Variants in L3MBTL4 observed in about 807,000 individuals in gnomAD.
L3MBTL4 encodes the protein lethal(3)malignant brain tumor-like protein 4.
A neutral mutation model predicts 84.5 loss-of-function variants in L3MBTL4; 70 were observed. The observed-to-expected ratio is 0.83, with a 90% CI of 0.68 to 1.01. The LOEUF (loss-of-function observed/expected upper bound fraction) is 1.01. Ranked by LOEUF, L3MBTL4 falls within the 50% of genes least tolerant of loss-of-function variation. The pLI, the probability that L3MBTL4 is intolerant of heterozygous loss-of-function variation, is 0.00. For synonymous variants in L3MBTL4, 274 were observed against 259.8 expected, an observed-to-expected ratio of 1.05 and a Z score of -0.52; for missense variants, 715 against 754.8, an observed-to-expected ratio of 0.95 and a Z score of 0.62.
chr18:6,325,086 A>G (rs150126185), intron 1 of L3MBTL4, among the ~76,000 whole-genome samples: 1 of 152,318 alleles, frequency 6.6e-6, no homozygotes, highest in East Asian at 1.9e-4. Flanking sequence ...CCCATAAAAA[A>G]GCAACTCAGC....
chr18:6,290,466 T>G (rs539074138), intron 4 of L3MBTL4, among the ~76,000 whole-genome samples: 1 of 152,150 alleles, frequency 6.6e-6, no homozygotes, highest in Non-Finnish European at 1.5e-5. Context: ...GCTTTTTGAT[T>G]ATCACTATGG....
chr18:6,286,168 C>CTTTA (rs543145864), intron 4 of L3MBTL4, among the ~76,000 whole-genome samples: 57 of 151,652 alleles, frequency 3.8e-4, no homozygotes, highest in Admixed American at 6.5e-4. Context: ...ATTTCCCCTT[C>CTTTA]TTATAAAACC....
chr18:6,118,572 A>C lies in L3MBTL4; in HGVS notation c.1199+19622T>G, dbSNP rs114656737. The stretch of plus-strand genomic sequence containing the variant: ...AGTGAAAGAAAAAAAACTCAGAGAA[A>C]AGAAAGGAACATAAACCATTTCCAG... On this transcript the variant is annotated intron_variant, in intron 14 of 18. Transcript: ENST00000317931. Among the ~76,000 whole-genome samples, 846 of 152,302 alleles carry C rather than the reference A, an allele frequency of 5.6e-3. 8 individuals are homozygous for C. The highest frequency in any genetic ancestry group is 0.02 in the African/African-American group (816 of 41,566).
intron 10 of L3MBTL4, among the ~76,000 whole-genome samples, chr18:6,224,434 G>A (rs540646610): frequency 2.6e-5 from 4 of 152,292 alleles, no homozygotes; most frequent in African/African-American, 9.6e-5. Flanking sequence ...TAGACCCCAC[G>A]AAGTCATCTA....
intron 4 of L3MBTL4, among the ~76,000 whole-genome samples, chr18:6,292,115 C>T (rs1030176039): frequency 6.6e-6 from 1 of 152,088 alleles, no homozygotes. Context: ...ATTAAATTAT[C>T]ACATGTGCTA....
intron 14 of L3MBTL4, among the ~76,000 whole-genome samples, chr18:6,137,636 TTGA>T (rs1371664358): frequency 7.9e-5 from 12 of 152,228 alleles, no homozygotes; most frequent in Non-Finnish European, 1.6e-4. Flanking sequence ...TATTTACCAA[TTGA>T]TGAGGATAGA....
At chr18:6,162,306 T>G (rs2043380650) in intron 13 of L3MBTL4, among the ~76,000 whole-genome samples, 1 of 152,184 alleles carries the variant, frequency 6.6e-6, no homozygotes, top group South Asian at 2.1e-4. Context: ...TTTAGTAGTC[T>G]TTGTAGTATT....
intron 16 of L3MBTL4, among the ~76,000 whole-genome samples, chr18:6,079,374 A>G (rs1042700812): frequency 2.6e-5 from 4 of 152,192 alleles, no homozygotes; most frequent in African/African-American, 9.7e-5. Context: ...TAAATGCCAT[A>G]TCTGATAGCA....
chr18:5,982,173 C>T (rs981526972), intron 16 of L3MBTL4, among the ~76,000 whole-genome samples: 4 of 152,142 alleles, frequency 2.6e-5, no homozygotes, highest in Non-Finnish European at 1.5e-5. Flanking sequence ...TAAAGAGAGT[C>T]CTGCTAGTGG....
intron 16 of L3MBTL4, chr18:6,029,439 A>C (rs551050559): frequency 2.1e-6 from 2 of 962,802 alleles, no homozygotes; most frequent in African/African-American, 3.5e-5. Flanking sequence ...TACATGAAAA[A>C]AATTACAAAT....
At chr18:6,055,680 T>A (rs1218109504) in intron 16 of L3MBTL4, among the ~76,000 whole-genome samples, 1 of 152,246 alleles carries the variant, frequency 6.6e-6, no homozygotes, top group Middle Eastern at 3.4e-3. Context: ...ATACAAAATA[T>A]AATAAGGAAA....
chr18:6,369,675 G>A (rs2054078622), intron 1 of L3MBTL4, among the ~76,000 whole-genome samples: 1 of 152,190 alleles, frequency 6.6e-6, no homozygotes, highest in African/African-American at 2.4e-5. Flanking sequence ...GCTGGATTTG[G>A]TTGGAAAGGG....
chr18:6,192,002 C>G lies in L3MBTL4; in HGVS notation c.982-20060G>C, dbSNP rs367762573. The stretch of plus-strand genomic sequence containing the variant: ...GAGTATCCCTGTCCCCTCCTCCCCC[C>G]CCTCAAAAAAAAAAAGAAAGAAAGA... On this transcript the variant is annotated intron_variant, in intron 12 of 18. Transcript: ENST00000317931. Among the ~76,000 whole-genome samples, 573 of 147,082 alleles carry G rather than the reference C, an allele frequency of 3.9e-3. 4 individuals carry two copies. Among genetic ancestry groups the G allele is most frequent in the African/African-American group, 8.3e-3 (314 of 37,970 alleles).
chr18:6,183,926 T>A (rs1306289565), intron 12 of L3MBTL4, among the ~76,000 whole-genome samples: 2 of 152,092 alleles, frequency 1.3e-5, no homozygotes, highest in African/African-American at 4.8e-5. Flanking sequence ...TACACGTTAG[T>A]CTAACGTTGC....
intron 12 of L3MBTL4, among the ~76,000 whole-genome samples, chr18:6,186,840 T>TG (rs2044793570): frequency 6.6e-6 from 1 of 151,862 alleles, no homozygotes; most frequent in African/African-American, 2.4e-5. Context: ...CCAGCAGATG[T>TG]GGGGGCTGTG....
chr18:6,272,237 A>T (rs1451842115), intron 4 of L3MBTL4, among the ~76,000 whole-genome samples: 1 of 152,196 alleles, frequency 6.6e-6, no homozygotes, highest in East Asian at 1.9e-4. Context: ...ACCCTGAGAT[A>T]AAAAGGCGGG....
Position 6,412,936 on chromosome 18 carries a change from T to A in L3MBTL4, c.-91+1865A>T, listed in dbSNP as rs77416120. On this transcript the variant is annotated intron_variant, in intron 1 of 18. Transcript: ENST00000317931. The stretch of plus-strand genomic sequence containing the variant: ...TCCGTCTCTACAAAAAAAAAAAAAT[T>A]AGAAAATTAGCCAGGCATGGTGGTG... Among the ~76,000 whole-genome samples the A allele has an allele frequency of 7.9e-5, 12 of 151,198 alleles. No homozygotes were observed. In the East Asian group the frequency reaches 2.3e-3, roughly 29 times the overall value.
At chr18:6,390,454 C>A (rs1372123117) in intron 1 of L3MBTL4, among the ~76,000 whole-genome samples, 2 of 151,736 alleles carry the variant, frequency 1.3e-5, no homozygotes, top group African/African-American at 2.4e-5. Context: ...TCAAAGCTAG[C>A]AGAAGAAAAG....
chr18:6,292,455 C>G (rs1321679970), intron 4 of L3MBTL4, among the ~76,000 whole-genome samples: 1 of 152,128 alleles, frequency 6.6e-6, no homozygotes, highest in Admixed American at 6.6e-5. Context: ...AACTGACAAG[C>G]AGGAATTTGA....
Sources: gnomAD v4.1 joint callset for allele counts (sites outside exome capture counted in the v4.1 genomes callset) on GRCh38, gnomAD v4.1.1 for gene constraint, MANE v1.5 for transcripts, NCBI Gene and HGNC (gene_info 2026-07-23, HGNC 2026-07-21) for gene names.